PPARA: variants seen among roughly 807,000 people sequenced by gnomAD.
PPARA encodes peroxisome proliferator-activated receptor alpha.
In PPARA, 22 loss-of-function variants were observed where a neutral mutation model predicts 42.2. The ratio of observed to expected loss-of-function variants is 0.52; its 90% CI spans 0.37 to 0.74. The LOEUF (loss-of-function observed/expected upper bound fraction) is 0.74, where lower values mean the gene tolerates loss of function less well. Among genes scored for constraint, PPARA ranks in the 30% least tolerant of loss-of-function variants. The pLI is 0.00. For synonymous variants in PPARA, 242 were observed against 239.3 expected (o/e 1.01, Z -0.10); for missense variants, 465 against 608.2 (o/e 0.76, Z 2.48).
rs1416228790 is a variant in PPARA at position 46,194,574 on chromosome 22, T to TC, written c.-42-3768_-42-3767insC. 2.0e-5 allele frequency among the ~76,000 whole-genome samples: 3 copies of TC among 148,126 alleles called. No homozygotes were observed. In the East Asian group the frequency reaches 5.9e-4, roughly 29 times the overall value. On this transcript the variant is annotated intron_variant, in intron 3 of 8. Coordinates refer to ENST00000407236, the MANE Select transcript of PPARA (RefSeq NM_005036.6). ...CCCATCTACTTGCTTTTTCCTTTTT[T>TC]TTTTTTTTTTTTTTTGTGACAGAGT... is the stretch of plus-strand genomic sequence containing the variant.
At chr22:46,226,018 C>T (rs1935415862) in intron 7 of PPARA, among the ~76,000 whole-genome samples, 1 of 151,964 alleles carries the variant, frequency 6.6e-6, no homozygotes, top group African/African-American at 2.4e-5. Flanking sequence ...CACATGCATT[C>T]ACACAGATGC....
At chr22:46,155,222 A>T (rs956695450) in intron 2 of PPARA, 1 of 152,028 alleles carries the variant, frequency 6.6e-6, no homozygotes, top group African/African-American at 2.4e-5. Flanking sequence ...CATTGCAGTT[A>T]GAGGTTGTGG....
Position 46,204,311 on chromosome 22 carries a change from G to A in PPARA, c.208+5720G>A, listed in dbSNP as rs970478865. 1.3e-5 allele frequency among the ~76,000 whole-genome samples: 2 copies of A among 152,184 alleles called. No homozygotes were observed. The highest frequency in any genetic ancestry group is 2.4e-5 in the African/African-American group (1 of 41,432). On this transcript the variant is annotated intron_variant, in intron 4 of 8. Transcript: ENST00000407236. This position sits in a 1 kb window ranked among gnomAD's most constrained non-coding sequence, Gnocchi z 5.2. ...AAATAAAGCTGCTATGAACATTCAC[G>A]TACAAGTCTCTGTACAACCCTCTGC... is the stretch of plus-strand genomic sequence containing the variant.
rs1286974493 is a variant in PPARA at position 46,204,186 on chromosome 22, C to T, written c.208+5595C>T. On this transcript the variant is annotated intron_variant, in intron 4 of 8. Transcript: ENST00000407236. This position sits in a 1 kb window ranked among gnomAD's most constrained non-coding sequence, Gnocchi z 5.2. The stretch of plus-strand genomic sequence containing the variant: ...GACTCATCTGCATTGCAGCAAGCAT[C>T]AATAGTTCATTCTTCATCCATCATG... 6.6e-6 allele frequency among the ~76,000 whole-genome samples: 1 copy of T among 152,212 alleles called. No individual in the cohort carries two copies. The highest frequency in any genetic ancestry group is 1.5e-5 in the Non-Finnish European group (1 of 68,040).
In PPARA at chr22:46,218,400, C is replaced by T. The variant is rs146427416; in HGVS notation, c.507C>T (p.Asn169=). The change falls in exon 6 of 9, where the codon AAC becomes AAT. Residue 169 remains asparagine (N), a splice_region_variant and synonymous_variant. Transcript: ENST00000407236. ...HKCLSVGMSH[N]AIRFGRMPRS... is the part of the protein sequence containing the mutation. The stretch of plus-strand genomic sequence containing the variant: ...GCCTTTCTGTCGGGATGTCACACAA[C>T]GGTAGGTAAGGTGGCCCTGCACATT... 42 of 1,614,080 alleles carry T rather than the reference C, an allele frequency of 2.6e-5. No homozygotes were observed. The African/African-American group carries it at 3.1e-4, about 12-fold the overall frequency.
At position 46,160,143 on chromosome 22, in the gene PPARA, G is replaced by T. The variant is rs1418902531; in HGVS notation, c.-127+8173G>T. Among the ~76,000 whole-genome samples the T allele has an allele frequency of 6.6e-6, 1 of 152,236 alleles. No homozygotes were observed. The highest frequency in any genetic ancestry group is 1.5e-5 in the Non-Finnish European group (1 of 68,044). On this transcript the variant is annotated intron_variant, in intron 2 of 8. Transcript: ENST00000407236. This position sits in a 1 kb window ranked among gnomAD's most constrained non-coding sequence, Gnocchi z 4.5. The stretch of plus-strand genomic sequence containing the variant: ...AGCAGGCTCCCATTCCCAGCTAAGG[G>T]TGGCAGCTGGCGGGGATCTTTCCAG...
chr22:46,231,902 C>T lies in PPARA; in HGVS notation c.822C>T (p.His274=). Residue 274 remains histidine, a synonymous_variant, in exon 8 of 9, where the codon CAC becomes CAT. Transcript: ENST00000407236. The surrounding 1 kb of genome is among the most constrained non-coding windows in gnomAD (Gnocchi z 7.7). ...QNKEAEVRIF[H]CCQCTSVETV... ...AGGAGGCGGAGGTCCGCATCTTTCA[C>T]TGCTGCCAGTGCACGTCAGTGGAGA... 1 of 1,614,198 alleles carries T rather than the reference C, an allele frequency of 6.2e-7. No individual in the cohort carries two copies. The highest frequency in any genetic ancestry group is 1.1e-5 in the South Asian group (1 of 91,090).
At chr22:46,202,695 C>T (rs544885550) in intron 4 of PPARA, among the ~76,000 whole-genome samples, 1 of 151,694 alleles carries the variant, frequency 6.6e-6, no homozygotes, top group South Asian at 2.1e-4. Context: ...GACAGAGTTT[C>T]ACTCTTGCTG....
In PPARA at chr22:46,241,221, A is replaced by T. The variant is rs544578130; in HGVS notation, c.*5841A>T. 3 of 152,354 alleles carry T rather than the reference A, an allele frequency of 2.0e-5. No homozygotes were observed. The highest frequency in any genetic ancestry group is 7.2e-5 in the African/African-American group (3 of 41,576). 9.4% of individuals were successfully genotyped at this position (152,354 alleles called of 1,614,324 possible). A position where few individuals can be genotyped will look rare whatever the true frequency, so the allele number is the denominator to read the frequency against. On this transcript the variant is annotated 3_prime_UTR_variant, in exon 9 of 9. Transcript: ENST00000407236. This position sits in a 1 kb window ranked among gnomAD's most constrained non-coding sequence, Gnocchi z 5.7. ...GAGGCCTAGGTTTTTGCTGGGATTT[A>T]GATATTTTCAGGCACCATTTTGACA...
intron 2 of PPARA, chr22:46,176,119 AC>A (rs1312519794): frequency 6.6e-6 from 1 of 152,264 alleles, no homozygotes; most frequent in African/African-American, 2.4e-5. Context: ...AGCCTGGGCA[AC>A]ATAGCAAGAC....
At chr22:46,218,567 T>C (rs564669695) in intron 6 of PPARA, among the ~76,000 whole-genome samples, 166 bp downstream of exon 6, 24 of 152,156 alleles carry the variant, frequency 1.6e-4, no homozygotes, top group African/African-American at 5.5e-4. Flanking sequence ...GGCGCGGTGG[T>C]TCACGCCTGT....
rs769466913 is a variant in PPARA at position 46,215,395 on chromosome 22, A to G, written c.369+62A>G. 6 of 1,600,818 alleles carry G rather than the reference A, an allele frequency of 3.7e-6. No homozygotes were observed. The African/African-American group carries it at 6.7e-5, about 18-fold the overall frequency. On this transcript the variant is annotated intron_variant, in intron 5 of 8. Transcript: ENST00000407236. ...CCATCAACTACTTATGGTCACTTTT[A>G]TAGCAAATGGCAGTCATTACTGAGA...
rs1441783005 is a variant in PPARA at position 46,232,354 on chromosome 22, A to G, written c.1159+115A>G. The G allele has an allele frequency of 9.6e-7, 1 of 1,045,920 alleles. No individual in the cohort carries two copies. The highest frequency in any genetic ancestry group is 1.6e-5 in the African/African-American group (1 of 64,242). The allele number at this position is 1,045,920 out of a possible 1,614,324, so 64.8% of individuals were successfully genotyped here. ...AGCTGTTCCAGTGGAGGGGACACTC[A>G]CATGGTGGGAAGACGTCTGACCCCC... On this transcript the variant is annotated intron_variant, in intron 8 of 8. Transcript: ENST00000407236. The surrounding 1 kb of genome is among the most constrained non-coding windows in gnomAD (Gnocchi z 5.3).
chr22:46,168,352 A>AG (rs1927428037), intron 2 of PPARA, among the ~76,000 whole-genome samples: 1 of 77,758 alleles, frequency 1.3e-5, no homozygotes, highest in Non-Finnish European at 2.6e-5. Context: ...ACTCCATCTC[A>AG]AAAAAAAAAA....
intron 2 of PPARA, among the ~76,000 whole-genome samples, chr22:46,170,402 ATTTTTTTTTTTTTT>A (rs935185946): frequency 1.6e-5 from 1 of 64,210 alleles, no homozygotes; most frequent in African/African-American, 5.8e-5. Flanking sequence ...CACCCAGCTA[ATTTTTTTTTTTTTT>A]TTTTTTTTTT....
At chr22:46,220,442 G>A in intron 7 of PPARA, 1 of 286,856 alleles carries the variant, frequency 3.5e-6, no homozygotes, top group Non-Finnish European at 6.8e-6. Flanking sequence ...AGCCTCCCAA[G>A]GAGCTGGGAC....
In PPARA at chr22:46,184,303, A is replaced by C. The variant is rs753576562; in HGVS notation, c.-43+7467A>C. 6.6e-6 allele frequency among the ~76,000 whole-genome samples: 1 copy of C among 152,226 alleles called. No individual in the cohort carries two copies. Among genetic ancestry groups the C allele is most frequent in the Non-Finnish European group, 1.5e-5 (1 of 68,042 alleles). ...GGTGCCATGAGTTACCTTCTAAAAC[A>C]TCATAAGAAACCATGTTCACCAATA... On this transcript the variant is annotated intron_variant, in intron 3 of 8. Coordinates refer to ENST00000407236, the MANE Select transcript of PPARA (RefSeq NM_005036.6). This position sits in a 1 kb window ranked among gnomAD's most constrained non-coding sequence, Gnocchi z 4.4.
In PPARA at chr22:46,216,383, C is replaced by CAAAA. The variant is rs111225851; in HGVS notation, c.369+1061_369+1064dup. Among the ~76,000 whole-genome samples, 3,122 of 131,334 alleles carry CAAAA rather than the reference C, an allele frequency of 0.024. 121 individuals are homozygous for CAAAA. The highest frequency in any genetic ancestry group is 0.08 in the African/African-American group (2,975 of 37,044). The allele number at this position is 131,334 out of a possible 152,430, so 86.2% of individuals were successfully genotyped here. ...AGGCGACAAGAGTAAAACTTCATCT[C>CAAAA]AAAAAAAAAAAAAAGAGAGAAAAGA... On this transcript the variant is annotated intron_variant, in intron 5 of 8. Transcript: ENST00000407236. The surrounding 1 kb of genome is among the most constrained non-coding windows in gnomAD (Gnocchi z 4.5).
intron 3 of PPARA, among the ~76,000 whole-genome samples, chr22:46,197,252 G>A (rs1219952612): frequency 6.6e-6 from 1 of 151,590 alleles, no homozygotes; most frequent in African/African-American, 2.4e-5. Context: ...GTTTTGCCAT[G>A]TTGGCCAGTC....
Sources: gnomAD v4.1 joint callset for allele counts (sites outside exome capture counted in the v4.1 genomes callset) on GRCh38, gnomAD v4.1.1 for gene constraint, Gnocchi (gnomAD v3.1) non-coding constraint, MANE v1.5 for transcripts, NCBI Gene and HGNC (gene_info 2026-07-23, HGNC 2026-07-21) for gene names.